LRRFIP2: variants seen among roughly 807,000 people sequenced by gnomAD.
LRRFIP2 encodes the protein leucine-rich repeat flightless-interacting protein 2.
Under a neutral mutation model 125.9 loss-of-function variants are expected in LRRFIP2, and 109 were observed. That is an observed-to-expected ratio of 0.87 (90% CI 0.74 to 1.01). LRRFIP2 has a LOEUF of 1.01. Ranked by LOEUF, LRRFIP2 falls within the 50% of genes least tolerant of loss-of-function variation. LRRFIP2 has a pLI of 0.00. For synonymous variants in LRRFIP2, 291 were observed against 293.1 expected (o/e 0.99, Z 0.07); for missense variants, 850 against 862.3 (o/e 0.99, Z 0.18).
At chr3:37,085,224 A>C (rs2092954624) in intron 18 of LRRFIP2, among the ~76,000 whole-genome samples, 1 of 152,166 alleles carries the variant, frequency 6.6e-6, no homozygotes, top group Non-Finnish European at 1.5e-5. Context: ...AAGCACTATA[A>C]ACCAGCCGGG....
chr3:37,067,487 A>G (rs1420611309), intron 21 of LRRFIP2: 3 of 152,204 alleles, frequency 2.0e-5, no homozygotes, highest in East Asian at 3.8e-4. Flanking sequence ...CATTAATCCA[A>G]GAAGTTAAAC....
intron 6 of LRRFIP2, among the ~76,000 whole-genome samples, chr3:37,117,073 A>C (rs2094823311): frequency 6.6e-6 from 1 of 151,664 alleles, no homozygotes; most frequent in Admixed American, 6.6e-5. Context: ...CCAAAAATAA[A>C]GTTGCTTCTC....
chr3:37,091,717 T>G (rs1303304580), intron 17 of LRRFIP2, among the ~76,000 whole-genome samples, 179 bp from the exon 18 acceptor site: 1 of 152,214 alleles, frequency 6.6e-6, no homozygotes, highest in Non-Finnish European at 1.5e-5. Flanking sequence ...GGTCAGGGGA[T>G]AGTGGGACTG....
At chr3:37,091,975 C>A (rs1395043435) in intron 17 of LRRFIP2, among the ~76,000 whole-genome samples, 1 of 151,832 alleles carries the variant, frequency 6.6e-6, no homozygotes, top group Admixed American at 6.6e-5. Context: ...ATGATTCATG[C>A]AAAAGTTTTT....
At chr3:37,137,596 T>C (rs1178893467) in intron 2 of LRRFIP2, among the ~76,000 whole-genome samples, 3 of 152,188 alleles carry the variant, frequency 2.0e-5, no homozygotes, top group African/African-American at 7.2e-5. Flanking sequence ...CTTCTCCTTT[T>C]ACCATACACA....
rs1576237328 is a variant in LRRFIP2 at position 37,080,286 on chromosome 3, C to T, written c.1278+3350G>A. On this transcript the variant is annotated intron_variant, in intron 19 of 27. Coordinates refer to ENST00000336686, the MANE Select transcript of LRRFIP2 (RefSeq NM_006309.4). ...TGGTCCATGCCTGTAATCCCAGCTA[C>T]TCAGAAGGCTGAGGCAGGAGAATCA... is the stretch of plus-strand genomic sequence containing the variant. Among the ~76,000 whole-genome samples the T allele has an allele frequency of 2.0e-5, 3 of 152,042 alleles. No individual in the cohort carries two copies. In the East Asian group the frequency reaches 5.8e-4, roughly 29 times the overall value.
In LRRFIP2 at chr3:37,144,498, C is replaced by T. The variant is rs555402415; in HGVS notation, c.90+4396G>A. Among the ~76,000 whole-genome samples the T allele has an allele frequency of 7.6e-4, 115 of 152,216 alleles. 1 individual carries two copies. In the South Asian group the frequency reaches 0.023, roughly 30 times the overall value. On this transcript the variant is annotated intron_variant, in intron 2 of 27. Coordinates refer to ENST00000336686, the MANE Select transcript of LRRFIP2 (RefSeq NM_006309.4). ...AGTGGTGCCTGTAATCCCAGCTACT[C>T]GGGAGGCAAGGTGGGAGAATCACTT...
chr3:37,153,268 G>A (rs2096082371), intron 1 of LRRFIP2, among the ~76,000 whole-genome samples: 1 of 152,096 alleles, frequency 6.6e-6, no homozygotes, highest in Non-Finnish European at 1.5e-5. Context: ...GCACACGCCT[G>A]TAGTTCCAGC....
chr3:37,085,300 A>G (rs559471968), intron 18 of LRRFIP2, among the ~76,000 whole-genome samples: 2 of 152,262 alleles, frequency 1.3e-5, no homozygotes, highest in East Asian at 3.9e-4. Context: ...ACTTGAGGTC[A>G]GGAGTTCAAG....
At chr3:37,167,395 C>G (rs2150360437) in intron 1 of LRRFIP2, among the ~76,000 whole-genome samples, 1 of 152,128 alleles carries the variant, frequency 6.6e-6, no homozygotes, top group East Asian at 1.9e-4. Flanking sequence ...GTGGCTCACG[C>G]CTGTAATCCC....
intron 1 of LRRFIP2, 75 bp from the exon 2 acceptor site, chr3:37,149,113 T>A: frequency 7.9e-7 from 1 of 1,263,404 alleles, no homozygotes; most frequent in Non-Finnish European, 1.1e-6. Context: ...TATTCACTTT[T>A]AACAGAGAAA....
In LRRFIP2 at chr3:37,053,525, A is replaced by G; in HGVS notation, c.*326T>C. The G allele has an allele frequency of 3.4e-6, 1 of 295,014 alleles. No homozygotes were observed. Among genetic ancestry groups the G allele is most frequent in the Admixed American group, 4.7e-5 (1 of 21,496 alleles). The allele number at this position is 295,014 out of a possible 1,614,324, so 18.3% of individuals were successfully genotyped here. On this transcript the variant is annotated 3_prime_UTR_variant, in exon 28 of 28. Coordinates refer to ENST00000336686, the MANE Select transcript of LRRFIP2 (RefSeq NM_006309.4). ...CTCATAGAATTGCTGTCTGTCCTCC[A>G]GAACCCGTGCCAAGGCCTCCGAGTG...
At chr3:37,149,865 G>T (rs2095968371) in intron 1 of LRRFIP2, among the ~76,000 whole-genome samples, 2 of 151,834 alleles carry the variant, frequency 1.3e-5, no homozygotes, top group African/African-American at 4.8e-5. Flanking sequence ...GCCAGGCATG[G>T]TGGCGCATGC....
chr3:37,155,978 G>A (rs934889429), intron 1 of LRRFIP2, among the ~76,000 whole-genome samples: 4 of 152,120 alleles, frequency 2.6e-5, no homozygotes, highest in South Asian at 4.1e-4. Flanking sequence ...AGGCTCAGGC[G>A]ATTCTCCTGC....
At chr3:37,093,891 C>T (rs2149214341) in intron 17 of LRRFIP2, among the ~76,000 whole-genome samples, 1 of 152,312 alleles carries the variant, frequency 6.6e-6, no homozygotes. Flanking sequence ...TTGAGGAAGC[C>T]TTCCCCCTTC....
At chr3:37,109,465 G>T in intron 11 of LRRFIP2, 62 bp downstream of exon 11, 2 of 1,555,978 alleles carry the variant, frequency 1.3e-6, no homozygotes, top group Non-Finnish European at 1.8e-6. Flanking sequence ...TCAAGCCATA[G>T]AGTTAGCACC....
chr3:37,175,834 T>A (rs570648187), upstream of LRRFIP2: 2 of 151,962 alleles, frequency 1.3e-5, no homozygotes, highest in African/African-American at 4.8e-5. Flanking sequence ...CCCAGCGCGG[T>A]GGAAGGGTGA....
chr3:37,175,690 C>T (rs183476654), upstream of LRRFIP2: 1 of 152,292 alleles, frequency 6.6e-6, no homozygotes, highest in East Asian at 1.9e-4. Context: ...ACACCGTTCC[C>T]TGGGGGTGCT....
chr3:37,109,947 T>G (rs889122761), intron 9 of LRRFIP2, among the ~76,000 whole-genome samples: 1 of 152,202 alleles, frequency 6.6e-6, no homozygotes, highest in African/African-American at 2.4e-5. Context: ...ATTATAAATA[T>G]GTTTATGTCC....
Sources: allele counts gnomAD v4.1 joint callset (sites outside exome capture counted in the v4.1 genomes callset), GRCh38; gene constraint gnomAD v4.1.1; transcripts MANE v1.5; gene names NCBI Gene and HGNC (gene_info 2026-07-23, HGNC 2026-07-21).